The following BACH1 variants were observed in gnomAD, a reference collection of about 807,000 sequenced individuals.
BACH1 encodes the protein BTB domain and CNC homolog 1, also known as transcription regulator protein BACH1.
In BACH1, 35 loss-of-function variants were observed where a neutral mutation model predicts 52.9. That is an observed-to-expected ratio of 0.66 (90% confidence interval 0.51 to 0.88). The LOEUF (loss-of-function observed/expected upper bound fraction) is 0.88. Ranked by LOEUF, BACH1 falls within the 40% of genes least tolerant of loss-of-function variation. The pLI, the probability that BACH1 is intolerant of heterozygous loss-of-function variation, is 0.00. For missense variants in BACH1, 808 were observed against 872.6 expected (o/e 0.93, Z 0.93); for synonymous variants, 321 against 319.6 (o/e 1.00, Z -0.05).
intron 2 of BACH1, among the ~76,000 whole-genome samples, chr21:29,357,440 C>T (rs551251158): frequency 5.3e-5 from 8 of 152,318 alleles, no homozygotes; most frequent in Middle Eastern, 3.4e-3. Context: ...GGTTGAGGGC[C>T]ACGCATGTAC....
In BACH1 at chr21:29,342,389, C is replaced by T. The variant is rs780088130; in HGVS notation, c.1777-10C>T. On this transcript the variant is annotated splice_polypyrimidine_tract_variant and intron_variant, in intron 4 of 4. Transcript: ENST00000286800. ...CACAAGCCATTGTGTTCTCTTTCCC[C>T]ACTTCACAGCAAAGTGAAAAGGAGA... The T allele has an allele frequency of 2.5e-6, 4 of 1,606,402 alleles. No homozygotes were observed. In the African/African-American group the frequency reaches 5.4e-5, roughly 22 times the overall value.
intron 1 of BACH1, among the ~76,000 whole-genome samples, chr21:29,316,084 T>A (rs1441292627): frequency 6.6e-6 from 1 of 152,210 alleles, no homozygotes; most frequent in Non-Finnish European, 1.5e-5. Context: ...AAATTCTAGC[T>A]CTTTTTCACA....
intron 4 of BACH1, among the ~76,000 whole-genome samples, chr21:29,336,952 A>G (rs1440419142): frequency 6.6e-6 from 1 of 152,164 alleles, no homozygotes; most frequent in Non-Finnish European, 1.5e-5. Context: ...GATTACAGAC[A>G]TGAGCCACCA....
chr21:29,313,717 A>G (rs2088754447), intron 1 of BACH1, among the ~76,000 whole-genome samples: 1 of 152,216 alleles, frequency 6.6e-6, no homozygotes, highest in South Asian at 2.1e-4. Context: ...AAGTAAGAGT[A>G]CATAATATGT....
Position 29,321,277 on chromosome 21 carries a change from C to G in BACH1, c.-4C>G, listed in dbSNP as rs1180147148. The G allele has an allele frequency of 1.2e-6, 2 of 1,608,052 alleles. No homozygotes were observed. The highest frequency in any genetic ancestry group is 8.5e-7 in the Non-Finnish European group (1 of 1,174,638). ...GAACTTCCCGACAACATTTGTTATG[C>G]AGAATGTCTCTGAGTGAGAACTCGG... is the stretch of plus-strand genomic sequence containing the variant. On this transcript the variant is annotated 5_prime_UTR_variant, in exon 2 of 5. Coordinates refer to ENST00000286800, the MANE Select transcript of BACH1 (RefSeq NM_001186.4).
At chr21:29,334,902 T>C (rs531087024) in intron 4 of BACH1, among the ~76,000 whole-genome samples, 2 of 152,336 alleles carry the variant, frequency 1.3e-5, no homozygotes, top group Non-Finnish European at 2.9e-5. Context: ...CGCACCCCAG[T>C]GGCCCTTCCG....
rs1033359564 is a variant in BACH1 at position 29,326,806 on chromosome 21, A to T, written c.982A>T (p.Thr328Ser). ...ACTTTATTCTTTGTCTCTTTTACACACATATGACCAATATGGTGACTTGAA... is the reference window on the plus strand; with the variant it reads ...ACTTTATTCTTTGTCTCTTTTACACTCATATGACCAATATGGTGACTTGAA... ...HGLYSLSLLH[T>S]YDQYGDLNFA... Residue 328 changes from threonine (T) to serine (S), a missense_variant, in exon 3 of 5, where the codon ACA (threonine) becomes TCA (serine). By Grantham distance (58) the Thr-to-Ser change is moderately conservative. Coordinates refer to ENST00000286800, the MANE Select transcript of BACH1 (RefSeq NM_001186.4). 3.1e-6 allele frequency: 5 copies of T among 1,614,160 alleles called. No individual in the cohort carries two copies. In the South Asian group the frequency reaches 4.4e-5, roughly 14 times the overall value.
chr21:29,338,854 C>T (rs1397984471), intron 4 of BACH1, among the ~76,000 whole-genome samples: 2 of 151,558 alleles, frequency 1.3e-5, no homozygotes, highest in Non-Finnish European at 2.9e-5. Context: ...TGTTTCTTTT[C>T]TAAAAATGTG....
In BACH1 at chr21:29,342,663, C is replaced by T; in HGVS notation, c.2041C>T (p.Pro681Ser). Reference protein sequence around the residue: ...SLSDRPPAVLPPCARGNSEPG... With the variant: ...SLSDRPPAVLSPCARGNSEPG... ...ATCTGACCGGCCTCCAGCAGTGCTG[C>T]CTCCCTGTGCCAGAGGAAACAGTGA... The change falls in exon 5 of 5, where the codon CCT becomes TCT. Residue 681 changes from proline (P) to serine (S), a missense_variant. Physicochemically the swap from Pro to Ser is moderately conservative, Grantham distance 74 (BLOSUM62 -1). Coordinates refer to ENST00000286800, the MANE Select transcript of BACH1 (RefSeq NM_001186.4). The T allele has an allele frequency of 6.2e-7, 1 of 1,614,214 alleles. No homozygotes were observed. The highest frequency in any genetic ancestry group is 8.5e-7 in the Non-Finnish European group (1 of 1,180,044).
intron 2 of BACH1, among the ~76,000 whole-genome samples, chr21:29,354,396 A>G (rs2089221171): frequency 1.3e-5 from 2 of 152,180 alleles, no homozygotes; most frequent in Admixed American, 6.5e-5. Flanking sequence ...TTTTGGCTGC[A>G]GTGAGGAGAG....
rs78252524 is a variant in BACH1 at position 29,341,374 on chromosome 21, C to T, written c.1777-1025C>T. On this transcript the variant is annotated intron_variant, in intron 4 of 4. Transcript: ENST00000286800. ...GTTGTGATAAATTTCATAAGAAAAACGTTTGACTTTCTAGCAAGTGTTTAT... is the reference window on the plus strand; with the variant it reads ...GTTGTGATAAATTTCATAAGAAAAATGTTTGACTTTCTAGCAAGTGTTTAT... Among the ~76,000 whole-genome samples, 415 of 152,192 alleles carry T rather than the reference C, an allele frequency of 2.7e-3. 3 individuals are homozygous for T. Among genetic ancestry groups the T allele is most frequent in the African/African-American group, 9.6e-3 (398 of 41,526 alleles).
chr21:29,347,633 C>T (rs1401224108), downstream of BACH1, among the ~76,000 whole-genome samples: 1 of 152,174 alleles, frequency 6.6e-6, no homozygotes, highest in Non-Finnish European at 1.5e-5. Flanking sequence ...GAGGGCAGAC[C>T]TCCTCTCACC....
At chr21:29,316,906 A>G (rs919753898) in intron 1 of BACH1, among the ~76,000 whole-genome samples, 2 of 152,138 alleles carry the variant, frequency 1.3e-5, no homozygotes, top group African/African-American at 4.8e-5. Flanking sequence ...TTTTCTCTGA[A>G]TGCTTGGCTC....
intron 1 of BACH1, among the ~76,000 whole-genome samples, chr21:29,310,013 C>T (rs1307151420): frequency 2.0e-5 from 3 of 152,144 alleles, no homozygotes; most frequent in African/African-American, 4.8e-5. Context: ...AGGGTTCTCT[C>T]ATTTTTTTTA....
intron 1 of BACH1, among the ~76,000 whole-genome samples, chr21:29,313,092 T>C (rs1172957176): frequency 4.6e-5 from 7 of 152,148 alleles, no homozygotes; most frequent in Admixed American, 2.0e-4. Flanking sequence ...AATGAGAATG[T>C]AGAGCACGGC....
At chr21:29,340,531 AGTG>A (rs1025690767) in intron 4 of BACH1, among the ~76,000 whole-genome samples, 3 of 152,238 alleles carry the variant, frequency 2.0e-5, no homozygotes, top group African/African-American at 7.2e-5. Context: ...TAGGTTAAGT[AGTG>A]GTTCTAATTT....
At chr21:29,347,568 C>T (rs963891894), downstream of BACH1, among the ~76,000 whole-genome samples, 1 of 152,178 alleles carries the variant, frequency 6.6e-6, no homozygotes, top group Non-Finnish European at 1.5e-5. Context: ...AACATTGGCC[C>T]ATTGCTCAAC....
intron 1 of BACH1, among the ~76,000 whole-genome samples, chr21:29,313,530 G>T (rs2088752083): frequency 6.6e-6 from 1 of 152,188 alleles, no homozygotes; most frequent in African/African-American, 2.4e-5. Flanking sequence ...TCAGAACAAT[G>T]CAAGGGTACA....
chr21:29,303,073 A>T (rs1242491366), intron 1 of BACH1, among the ~76,000 whole-genome samples: 2 of 152,228 alleles, frequency 1.3e-5, no homozygotes, highest in Admixed American at 6.5e-5. Context: ...TGTTAATACC[A>T]GAACAGAACT....
Sources: allele counts gnomAD v4.1 joint callset (sites outside exome capture counted in the v4.1 genomes callset), GRCh38; gene constraint gnomAD v4.1.1; transcripts MANE v1.5; gene names NCBI Gene and HGNC (gene_info 2026-07-23, HGNC 2026-07-21).